Variants in CSMD1 observed in about 807,000 individuals in gnomAD.
The protein encoded by CSMD1 is CUB and sushi domain-containing protein 1.
CSMD1 carries 213 observed loss-of-function variants against 417.5 expected under a neutral mutation model. The observed-to-expected ratio is 0.51, with a 90% CI of 0.46 to 0.57. The LOEUF is 0.57. Among genes scored for constraint, CSMD1 ranks in the 20% least tolerant of loss-of-function variants. The probability of loss-of-function intolerance (pLI) is 0.00; values close to 1 mark genes in which losing one functional copy is unlikely to be tolerated. For synonymous variants in CSMD1, 2,862 were observed against 1,736.8 expected, an observed-to-expected ratio of 1.65 and a Z score of -16.11; for missense variants, 6,923 against 4,529.7, an observed-to-expected ratio of 1.53 and a Z score of -15.17.
In CSMD1 at chr8:3,032,164, C is replaced by A. The variant is rs149080815; in HGVS notation, c.7661-2651G>T. 4.4e-3 allele frequency among the ~76,000 whole-genome samples: 674 copies of A among 151,904 alleles called. 7 individuals are homozygous for A. Among genetic ancestry groups the A allele is most frequent in the African/African-American group, 0.015 (640 of 41,446 alleles). On this transcript the variant is annotated intron_variant, in intron 50 of 69. Transcript: ENST00000635120. The stretch of plus-strand genomic sequence containing the variant: ...TAAAGTCCATCTTGTCCTTTGTTAA[C>A]TGAAGGATGAGAGTGGAAGAGTGGA...
chr8:3,297,693 A>T (rs939974201), intron 25 of CSMD1, among the ~76,000 whole-genome samples: 4 of 152,246 alleles, frequency 2.6e-5, no homozygotes, highest in African/African-American at 9.6e-5. Flanking sequence ...AGGTAAATTA[A>T]GTTTTGTAGA....
chr8:3,696,364 T>G (rs1800552883), intron 7 of CSMD1, among the ~76,000 whole-genome samples: 1 of 152,218 alleles, frequency 6.6e-6, no homozygotes, highest in African/African-American at 2.4e-5. Context: ...GGCTTATCTC[T>G]TTGACTTGTC....
chr8:3,960,816 G>A (rs1434979769), intron 5 of CSMD1, among the ~76,000 whole-genome samples: 1 of 151,712 alleles, frequency 6.6e-6, no homozygotes, highest in Non-Finnish European at 1.5e-5. Context: ...TATTTTTACT[G>A]AATTAAAATT....
intron 30 of CSMD1, among the ~76,000 whole-genome samples, chr8:3,206,610 G>C (rs74875518): frequency 0.041 from 5,722 of 138,510 alleles, 148 homozygotes; most frequent in Middle Eastern, 0.081. Flanking sequence ...CTGTATGTGT[G>C]TGTATGTGTG....
At chr8:2,998,254 T>A in intron 53 of CSMD1, 70 bp from the exon 54 acceptor site, 2 of 1,495,670 alleles carry the variant, frequency 1.3e-6, no homozygotes, top group Non-Finnish European at 1.8e-6. Context: ...GGATTATTAA[T>A]AAGAAACATG....
At chr8:4,530,962 C>A (rs565149742) in intron 2 of CSMD1, among the ~76,000 whole-genome samples, 3 of 152,170 alleles carry the variant, frequency 2.0e-5, no homozygotes, top group South Asian at 2.1e-4. Context: ...AGTATCTGAG[C>A]CATACCCTCC....
At chr8:3,236,198 G>C (rs1554478345) in intron 26 of CSMD1, among the ~76,000 whole-genome samples, 1 of 152,082 alleles carries the variant, frequency 6.6e-6, no homozygotes, top group Non-Finnish European at 1.5e-5. Flanking sequence ...GAATACAGGT[G>C]TGAGCCACCG....
Position 4,446,694 on chromosome 8 carries a change from T to A in CSMD1, c.303-26629A>T, listed in dbSNP as rs76577473. Among the ~76,000 whole-genome samples the A allele has an allele frequency of 8.2e-3, 1,234 of 151,332 alleles. 19 individuals carry two copies. Among genetic ancestry groups the A allele is most frequent in the African/African-American group, 0.029 (1,178 of 40,890 alleles). On this transcript the variant is annotated intron_variant, in intron 2 of 69. Coordinates refer to ENST00000635120, the MANE Select transcript of CSMD1 (RefSeq NM_033225.6). ...CAGTCTCCTGAGTAGCTGCGATTACTCGTGCCCACCACCATGCCTGAGTTG... is the reference window on the plus strand; with the variant it reads ...CAGTCTCCTGAGTAGCTGCGATTACACGTGCCCACCACCATGCCTGAGTTG...
chr8:4,870,822 T>C (rs1389507716), intron 1 of CSMD1, among the ~76,000 whole-genome samples: 1 of 152,076 alleles, frequency 6.6e-6, no homozygotes, highest in African/African-American at 2.4e-5. Context: ...GAGGAGTGCA[T>C]TTGCTGGCTC....
At chr8:3,492,993 G>A (rs572086581) in intron 11 of CSMD1, among the ~76,000 whole-genome samples, 10 of 152,212 alleles carry the variant, frequency 6.6e-5, no homozygotes, top group Non-Finnish European at 1.2e-4. Flanking sequence ...AGAGGAGAGA[G>A]GTTAAAAAAG....
intron 2 of CSMD1, among the ~76,000 whole-genome samples, chr8:4,562,484 T>G (rs1006274406): frequency 6.6e-6 from 1 of 152,202 alleles, no homozygotes; most frequent in Admixed American, 6.5e-5. Context: ...ATTAGAAATC[T>G]TATCAGTCGT....
intron 1 of CSMD1, among the ~76,000 whole-genome samples, chr8:4,806,421 C>G (rs989461088): frequency 3.9e-5 from 6 of 152,056 alleles, no homozygotes; most frequent in African/African-American, 1.4e-4. Flanking sequence ...ATAAAAGTCC[C>G]CTGGATGATG....
At chr8:3,258,531 G>T (rs1800821785) in intron 26 of CSMD1, among the ~76,000 whole-genome samples, 1 of 152,218 alleles carries the variant, frequency 6.6e-6, no homozygotes, top group Non-Finnish European at 1.5e-5. Context: ...GGAAGACAGT[G>T]TGGTGATTCC....
chr8:4,890,615 G>A (rs564647561), intron 1 of CSMD1, among the ~76,000 whole-genome samples: 2 of 144,726 alleles, frequency 1.4e-5, no homozygotes, highest in Admixed American at 6.8e-5. Flanking sequence ...ACCCTCCCCT[G>A]CTTCAGGTCC....
At chr8:4,785,120 G>T (rs1164500805) in intron 1 of CSMD1, among the ~76,000 whole-genome samples, 1 of 152,166 alleles carries the variant, frequency 6.6e-6, no homozygotes, top group Non-Finnish European at 1.5e-5. Context: ...TCTTTCAGGA[G>T]AATTTTTAAA....
intron 3 of CSMD1, among the ~76,000 whole-genome samples, chr8:4,079,177 T>C (rs1049393148): frequency 1.3e-5 from 2 of 151,948 alleles, no homozygotes; most frequent in Admixed American, 1.3e-4. Context: ...AAATTGAATA[T>C]AAGCTAATGT....
chr8:3,454,677 G>T (rs950822748), intron 12 of CSMD1, among the ~76,000 whole-genome samples: 10 of 152,220 alleles, frequency 6.6e-5, no homozygotes, highest in African/African-American at 1.2e-4. Context: ...TCTGCGGAGA[G>T]ATCAGCTGTT....
intron 1 of CSMD1, among the ~76,000 whole-genome samples, chr8:4,760,612 T>C (rs1368128131): frequency 6.6e-6 from 1 of 152,206 alleles, no homozygotes; most frequent in Non-Finnish European, 1.5e-5. Context: ...TAGAAAAATA[T>C]AAAATACAGC....
At chr8:4,078,348 T>C (rs1799941642) in intron 3 of CSMD1, among the ~76,000 whole-genome samples, 2 of 145,448 alleles carry the variant, frequency 1.4e-5, no homozygotes, top group South Asian at 4.4e-4. Context: ...GGAGTCTTGC[T>C]CTGTGTCGCA....
Sources: gnomAD v4.1 joint callset for allele counts (sites outside exome capture counted in the v4.1 genomes callset) on GRCh38, gnomAD v4.1.1 for gene constraint, MANE v1.5 for transcripts, NCBI Gene and HGNC (gene_info 2026-07-23, HGNC 2026-07-21) for gene names.